ARRDC1: variants seen among roughly 807,000 people sequenced by gnomAD.
ARRDC1 encodes the protein arrestin domain containing 1, also known as arrestin domain-containing protein 1.
Under a neutral mutation model 40.1 loss-of-function variants are expected in ARRDC1, and 37 were observed. The ratio of observed to expected loss-of-function variants is 0.92; its 90% confidence interval spans 0.71 to 1.21. ARRDC1 has a LOEUF of 1.21. ARRDC1 is among the 50% of genes most tolerant of loss of function. The pLI is 0.00. For synonymous variants in ARRDC1, 310 were observed against 262.5 expected (o/e 1.18, Z -1.75); for missense variants, 641 against 581.9 (o/e 1.10, Z -1.04).
intron 4 of ARRDC1, 66 bp from the exon 5 acceptor site, chr9:137,613,966 G>A: frequency 6.3e-7 from 1 of 1,590,274 alleles, no homozygotes; most frequent in Non-Finnish European, 8.6e-7. Flanking sequence ...TGAGGGGCCT[G>A]TCCCAATGCC....
intron 1 of ARRDC1, among the ~76,000 whole-genome samples, chr9:137,608,025 C>T (rs1842452442): frequency 6.6e-6 from 1 of 152,152 alleles, no homozygotes; most frequent in Admixed American, 6.5e-5. Context: ...CTCTGTCGCC[C>T]AGGCTGGAGT....
chr9:137,613,412 G>A, intron 2 of ARRDC1, 48 bp from the exon 3 acceptor site: 1 of 1,592,280 alleles, frequency 6.3e-7, no homozygotes, highest in Non-Finnish European at 8.5e-7. Flanking sequence ...GGCCACCTCA[G>A]GCCACCTCAG....
chr9:137,615,022 G>T, intron 7 of ARRDC1, 22 bp downstream of exon 7: 3 of 1,612,442 alleles, frequency 1.9e-6, no homozygotes, highest in Non-Finnish European at 2.5e-6. Context: ...GCCAGGGCTT[G>T]GCAGGGAGGG....
intron 1 of ARRDC1, among the ~76,000 whole-genome samples, chr9:137,606,423 G>A (rs954639423): frequency 2.0e-5 from 3 of 152,240 alleles, no homozygotes; most frequent in Non-Finnish European, 4.4e-5. Flanking sequence ...TTGGCTGTGA[G>A]TGCCGCGTCC....
At chr9:137,608,089 T>A (rs1053526741) in intron 1 of ARRDC1, among the ~76,000 whole-genome samples, 5 of 152,134 alleles carry the variant, frequency 3.3e-5, no homozygotes, top group Non-Finnish European at 7.4e-5. Flanking sequence ...TTCACGCCAT[T>A]CTCCTGCCTC....
In ARRDC1 at chr9:137,612,974, A is replaced by T; in HGVS notation, c.197A>T (p.Tyr66Phe). Residue 66 changes from tyrosine to phenylalanine, a missense_variant, in exon 2 of 8, where the codon TAC (tyrosine) becomes TTC (phenylalanine). Transcript: ENST00000371421. ...ACAGCGTGGGTAGTGGAGGAGGGTT[A>T]CTTCAACAGTTCCCTGTCGCTGGCA... is the stretch of plus-strand genomic sequence containing the variant. ...NDTAWVVEEGYFNSSLSLADK... is the reference protein window; with the variant it reads ...NDTAWVVEEGFFNSSLSLADK... 6.2e-7 allele frequency: 1 copy of T among 1,614,114 alleles called. No homozygotes were observed.
intron 4 of ARRDC1, 49 bp downstream of exon 4, chr9:137,613,818 G>C (rs1407634600): frequency 6.2e-7 from 1 of 1,604,798 alleles, no homozygotes; most frequent in South Asian, 1.1e-5. Context: ...CCTCATGGAG[G>C]CTGGGGAAGA....
At chr9:137,614,250 T>C in intron 5 of ARRDC1, 36 bp downstream of exon 5, 1 of 1,577,602 alleles carries the variant, frequency 6.3e-7, no homozygotes, top group Non-Finnish European at 8.6e-7. Context: ...ACCGGCCTCC[T>C]GGGGTGGGCT....
chr9:137,613,200 C>G (rs558165534), intron 2 of ARRDC1, 194 bp downstream of exon 2: 2 of 741,884 alleles, frequency 2.7e-6, no homozygotes, highest in Admixed American at 4.1e-5. Flanking sequence ...CCCCCTTGTG[C>G]TGGATTTGGG....
intron 1 of ARRDC1, among the ~76,000 whole-genome samples, chr9:137,606,106 G>T (rs1842418541): frequency 6.6e-6 from 1 of 151,616 alleles, no homozygotes; most frequent in African/African-American, 2.4e-5. Context: ...GAGCGCGGGC[G>T]CACGCAGGCC....
intron 1 of ARRDC1, among the ~76,000 whole-genome samples, chr9:137,608,301 G>T (rs1228914819): frequency 6.6e-6 from 1 of 152,248 alleles, no homozygotes; most frequent in African/African-American, 2.4e-5. Context: ...TTTTAAACCT[G>T]CATGGGGGAG....
rs143172902 is a variant in ARRDC1, at chr9:137,613,168, T to A, written c.229+162T>A. 663 of 770,552 alleles carry A rather than the reference T, an allele frequency of 8.6e-4. 2 individuals are homozygous for A. In the African/African-American group the frequency reaches 9.1e-3, roughly 11 times the overall value. The allele number at this position is 770,552 out of a possible 1,614,324, so 47.7% of individuals were successfully genotyped here. A position where few individuals can be genotyped will look rare whatever the true frequency, so the allele number is the denominator to read the frequency against. Reference sequence around the variant, plus strand: ...GCCCTGATGGCTTTCTCATAGGCGCTGGGTGGCTGAAGGGGCCACCTCCCC... The same window carrying A: ...GCCCTGATGGCTTTCTCATAGGCGCAGGGTGGCTGAAGGGGCCACCTCCCC... On this transcript the variant is annotated intron_variant, in intron 2 of 7. Coordinates refer to ENST00000371421, the MANE Select transcript of ARRDC1 (RefSeq NM_152285.4).
rs1024655348 is a variant in ARRDC1 at position 137,611,755 on chromosome 9, A to C, written c.119-1141A>C. The C allele has an allele frequency of 2.0e-5, 3 of 152,496 alleles. No homozygotes were observed. In the East Asian group the frequency reaches 5.8e-4, roughly 29 times the overall value. The allele number at this position is 152,496 out of a possible 1,614,324, so 9.4% of individuals were successfully genotyped here. ...AGCTGCCGAGGGGTAGGCAGGATGC[A>C]TGTGGAGAGCCACGTGGGGCTGCGG... On this transcript the variant is annotated intron_variant, in intron 1 of 7. Transcript: ENST00000371421.
chr9:137,612,618 C>T (rs1442920659), intron 1 of ARRDC1: 10 of 376,378 alleles, frequency 2.7e-5, no homozygotes, highest in Non-Finnish European at 4.9e-5. Context: ...GTAACCCAGC[C>T]ATCATCTGGA....
In ARRDC1 at chr9:137,614,960, G is replaced by A; in HGVS notation, c.1197G>A (p.Leu399=). The change falls in exon 7 of 8, where the codon TTG becomes TTA. Residue 399 remains leucine, a synonymous_variant. Transcript: ENST00000371421. ...SGGPVPTTST[L]ILPPEYSSWG... ...GGCCAGTGCCCACTACCAGCACCTTGATTCTTCCTCCAGAGTACAGTTCTT... is the reference window on the plus strand; with the variant it reads ...GGCCAGTGCCCACTACCAGCACCTTAATTCTTCCTCCAGAGTACAGTTCTT... The A allele has an allele frequency of 6.2e-7, 1 of 1,613,872 alleles. No homozygotes were observed. The highest frequency in any genetic ancestry group is 8.5e-7 in the Non-Finnish European group (1 of 1,179,988).
At chr9:137,610,626 C>T (rs759606147) in intron 1 of ARRDC1, among the ~76,000 whole-genome samples, 1 of 151,814 alleles carries the variant, frequency 6.6e-6, no homozygotes, top group African/African-American at 2.4e-5. Context: ...TGCAGTGGCG[C>T]GATCTCGGCT....
In ARRDC1 at chr9:137,614,123, G is replaced by C; in HGVS notation, c.527G>C (p.Gly176Ala). ...VVLTASTDLR[G>A]YVVGQALQLH... Reference sequence around the variant, plus strand: ...CTCACAGCCAGCACTGATCTCCGCGGCTATGTGGTGGGGCAGGCACTGCAG... The same window carrying C: ...CTCACAGCCAGCACTGATCTCCGCGCCTATGTGGTGGGGCAGGCACTGCAG... Residue 176 changes from glycine (G) to alanine (A), a missense_variant, in exon 5 of 8, where the codon GGC (glycine) becomes GCC (alanine). Transcript: ENST00000371421. 6 of 1,613,778 alleles carry C rather than the reference G, an allele frequency of 3.7e-6. No homozygotes were observed. The highest frequency in any genetic ancestry group is 5.1e-6 in the Non-Finnish European group (6 of 1,179,914).
In ARRDC1 at chr9:137,613,171, G is replaced by A. The variant is rs773017078; in HGVS notation, c.229+165G>A. On this transcript the variant is annotated intron_variant, in intron 2 of 7. Transcript: ENST00000371421. ...CTGATGGCTTTCTCATAGGCGCTGG[G>A]TGGCTGAAGGGGCCACCTCCCCCTT... 8 of 762,688 alleles carry A rather than the reference G, an allele frequency of 1.0e-5. No homozygotes were observed. In the Middle Eastern group the frequency reaches 8.9e-4, roughly 85 times the overall value. The allele number at this position is 762,688 out of a possible 1,614,324, so 47.2% of individuals were successfully genotyped here. A position where few individuals can be genotyped will look rare whatever the true frequency, so the allele number is the denominator to read the frequency against.
rs1842606141 is a variant in ARRDC1 at position 137,614,174 on chromosome 9, C to T, written c.578C>T (p.Ser193Leu). 1 of 1,609,740 alleles carries T rather than the reference C, an allele frequency of 6.2e-7. No individual in the cohort carries two copies. The highest frequency in any genetic ancestry group is 1.1e-5 in the South Asian group (1 of 90,830). ...CTGCATGCCGACGTTGAGAACCAGT[C>T]AGGCAAGGACACCAGCCCTGTGGTG... ...LQLHADVENQSGKDTSPVVAS... is the reference protein window; with the variant it reads ...LQLHADVENQLGKDTSPVVAS... The change falls in exon 5 of 8, where the codon TCA becomes TTA. Residue 193 changes from serine (S) to leucine (L), a missense_variant. Ser to Leu is a moderately radical substitution (Grantham distance 145, BLOSUM62 -2). Coordinates refer to ENST00000371421, the MANE Select transcript of ARRDC1 (RefSeq NM_152285.4).
Sources: gnomAD v4.1 joint callset for allele counts (sites outside exome capture counted in the v4.1 genomes callset) on GRCh38, gnomAD v4.1.1 for gene constraint, MANE v1.5 for transcripts, NCBI Gene and HGNC (gene_info 2026-07-23, HGNC 2026-07-21) for gene names.